Variants in FER observed in about 807,000 individuals in gnomAD.
FER encodes tyrosine-protein kinase Fer.
In FER, 63 loss-of-function variants were observed where a neutral mutation model predicts 111.0. That is an observed-to-expected ratio of 0.57 (90% confidence interval 0.46 to 0.70). The LOEUF (loss-of-function observed/expected upper bound fraction) is 0.70. Ranked by LOEUF, FER falls within the 30% of genes least tolerant of loss-of-function variation. The pLI, the probability that FER is intolerant of heterozygous loss-of-function variation, is 0.00. For synonymous variants in FER, 327 were observed against 313.9 expected, an observed-to-expected ratio of 1.04 and a Z score of -0.44; for missense variants, 914 against 954.0, an observed-to-expected ratio of 0.96 and a Z score of 0.55.
At chr5:109,036,134 A>G (rs1770361670) in intron 13 of FER, among the ~76,000 whole-genome samples, 1 of 152,218 alleles carries the variant, frequency 6.6e-6, no homozygotes, top group Non-Finnish European at 1.5e-5. Context: ...ATGCTTTTGA[A>G]TAAATGTTTT....
chr5:108,953,464 G>A (rs1034437089), intron 11 of FER, among the ~76,000 whole-genome samples: 37 of 152,118 alleles, frequency 2.4e-4, no homozygotes, highest in Admixed American at 2.0e-4. Context: ...GAAGAAGTAA[G>A]AATCAGAATG....
chr5:108,872,020 C>T, intron 7 of FER, 73 bp from the exon 8 acceptor site: 4 of 1,375,918 alleles, frequency 2.9e-6, no homozygotes, highest in Non-Finnish European at 3.9e-6. Context: ...AAATATTCTG[C>T]CTTTAGTGTA....
chr5:109,124,042 T>A (rs1324466956), intron 17 of FER, among the ~76,000 whole-genome samples: 2 of 151,760 alleles, frequency 1.3e-5, no homozygotes, highest in Non-Finnish European at 2.9e-5. Flanking sequence ...CTGAGCAACA[T>A]GGCAAAACCT....
rs147362086 is a variant in FER at position 109,170,569 on chromosome 5, G to A, written c.2049-10178G>A. ...GACATCTATGCCTCTGAGTGTGATT[G>A]TTAGGATTAGGGATAATAGGTTAAG... is the stretch of plus-strand genomic sequence containing the variant. On this transcript the variant is annotated intron_variant, in intron 17 of 19. Coordinates refer to ENST00000281092, the MANE Select transcript of FER (RefSeq NM_005246.4). Among the ~76,000 whole-genome samples the A allele has an allele frequency of 7.9e-3, 1,207 of 152,270 alleles. 11 individuals carry two copies. The highest frequency in any genetic ancestry group is 0.028 in the African/African-American group (1,169 of 41,546).
intron 17 of FER, among the ~76,000 whole-genome samples, chr5:109,113,302 A>G (rs183465090): frequency 4.7e-4 from 72 of 152,272 alleles, no homozygotes; most frequent in Non-Finnish European, 2.6e-4. Context: ...GGACATCAGG[A>G]GTCCCACATT....
At chr5:109,032,796 C>T (rs1299958496) in intron 13 of FER, among the ~76,000 whole-genome samples, 2 of 152,284 alleles carry the variant, frequency 1.3e-5, no homozygotes, top group South Asian at 2.1e-4. Flanking sequence ...TTTATATCTC[C>T]AGAATCTCTC....
At chr5:108,769,932 C>CTGATGA (rs144814416) in intron 2 of FER, among the ~76,000 whole-genome samples, 2 of 151,586 alleles carry the variant, frequency 1.3e-5, no homozygotes, top group East Asian at 1.9e-4. Flanking sequence ...TTTTTTTCCA[C>CTGATGA]TGATGATGAT....
chr5:108,806,314 CA>C (rs1757203771), intron 3 of FER, among the ~76,000 whole-genome samples: 1 of 152,190 alleles, frequency 6.6e-6, no homozygotes, highest in Non-Finnish European at 1.5e-5. Flanking sequence ...AAGTTTGCCA[CA>C]GGGGTGGGGC....
chr5:109,004,101 C>G (rs1191288786), intron 13 of FER, among the ~76,000 whole-genome samples: 2 of 152,288 alleles, frequency 1.3e-5, no homozygotes, highest in Admixed American at 6.5e-5. Context: ...CTCTCATACT[C>G]TGCTGATGCA....
At chr5:108,883,607 T>C (rs1765890651) in intron 9 of FER, 89 bp downstream of exon 9, 2 of 1,156,946 alleles carry the variant, frequency 1.7e-6, no homozygotes, top group African/African-American at 3.3e-5. Context: ...GAACCTAACA[T>C]TTCTAGAAAC....
Position 108,844,996 on chromosome 5 carries a change from GTATATATATATATATATATATATATA to G in FER, c.481+9208_481+9233del, listed in dbSNP as rs1178206742. ...TTGTTCATTGCTGGTGTGTGTGTGT[GTATATATATATATATATATATATATA>G]TATATATATATATATATACATATAT... On this transcript the variant is annotated intron_variant, in intron 5 of 19. Coordinates refer to ENST00000281092, the MANE Select transcript of FER (RefSeq NM_005246.4). 3.6e-3 allele frequency among the ~76,000 whole-genome samples: 105 copies of G among 29,290 alleles called. 2 individuals carry two copies. The East Asian group carries it at 0.072, about 20-fold the overall frequency. The allele number at this position is 29,290 out of a possible 152,430, so 19.2% of individuals were successfully genotyped here.
chr5:108,869,211 A>G (rs1764367461), intron 6 of FER, among the ~76,000 whole-genome samples: 1 of 152,144 alleles, frequency 6.6e-6, no homozygotes. Flanking sequence ...GCATTTGCTT[A>G]CTTGTTCCTT....
At chr5:108,936,357 G>GA (rs139724873) in intron 10 of FER, among the ~76,000 whole-genome samples, 19,257 of 151,924 alleles carry the variant, frequency 0.13, 1,270 homozygotes, top group Middle Eastern at 0.17. Flanking sequence ...ATTTTTAGAT[G>GA]ATAATTGTAG....
At chr5:108,755,652 A>AT (rs1452881948) in intron 1 of FER, among the ~76,000 whole-genome samples, 12 of 151,350 alleles carry the variant, frequency 7.9e-5, no homozygotes, top group Admixed American at 2.6e-4. Context: ...CGCCCGGCTA[A>AT]TTTTTTTGTA....
intron 17 of FER, among the ~76,000 whole-genome samples, chr5:109,162,612 G>A (rs1756110073): frequency 6.6e-6 from 1 of 151,950 alleles, no homozygotes; most frequent in Non-Finnish European, 1.5e-5. Context: ...CTTATCCTCA[G>A]AAGCATTTTA....
At chr5:108,940,577 C>T (rs1242088072) in intron 10 of FER, among the ~76,000 whole-genome samples, 1 of 152,070 alleles carries the variant, frequency 6.6e-6, no homozygotes, top group Non-Finnish European at 1.5e-5. Flanking sequence ...CTCGGTGGAA[C>T]TGTATGAGCA....
chr5:108,896,399 T>A (rs1749101001), intron 9 of FER, among the ~76,000 whole-genome samples: 1 of 152,200 alleles, frequency 6.6e-6, no homozygotes. Context: ...TGAAGAAGTC[T>A]GTGGATTTAG....
At chr5:109,154,658 A>G (rs1329653623) in intron 17 of FER, among the ~76,000 whole-genome samples, 2 of 151,928 alleles carry the variant, frequency 1.3e-5, no homozygotes, top group Admixed American at 1.3e-4. Flanking sequence ...ATGTTCAGAG[A>G]AAGGAAAAGT....
At chr5:109,180,969 C>A in intron 18 of FER, 68 bp downstream of exon 18, 1 of 1,339,772 alleles carries the variant, frequency 7.5e-7, no homozygotes, top group Non-Finnish European at 1.0e-6. Context: ...CATTCACAAG[C>A]AATATTTACA....
Sources: allele counts gnomAD v4.1 joint callset (sites outside exome capture counted in the v4.1 genomes callset), GRCh38; gene constraint gnomAD v4.1.1; transcripts MANE v1.5; gene names NCBI Gene and HGNC (gene_info 2026-07-23, HGNC 2026-07-21).